Variants in HS3ST4 observed in about 807,000 individuals in gnomAD.
HS3ST4 encodes heparan sulfate-glucosamine 3-sulfotransferase 4, also known as heparan sulfate glucosamine 3-O-sulfotransferase 4.
In HS3ST4, 17 loss-of-function variants were observed where a neutral mutation model predicts 29.2. The observed-to-expected ratio is 0.58, with a 90% CI of 0.40 to 0.87. HS3ST4 has a LOEUF of 0.87. HS3ST4 is among the 40% of genes least tolerant of loss of function. HS3ST4 has a pLI of 0.00. For synonymous variants in HS3ST4, 314 were observed against 285.7 expected (o/e 1.10, Z -1.00); for missense variants, 627 against 634.5 (o/e 0.99, Z 0.13).
chr16:26,058,367 T>A (rs1223452862), intron 1 of HS3ST4, among the ~76,000 whole-genome samples: 1 of 152,200 alleles, frequency 6.6e-6, no homozygotes, highest in African/African-American at 2.4e-5. Flanking sequence ...AGATTGCATT[T>A]CTTCCTGCAG....
At chr16:25,958,456 G>A (rs112865975) in intron 1 of HS3ST4, among the ~76,000 whole-genome samples, 5,219 of 151,868 alleles carry the variant, frequency 0.034, 117 homozygotes, top group African/African-American at 0.061. Context: ...TCAGCCTCCC[G>A]AGTAGCTGGG....
At chr16:26,072,915 T>C (rs900627840) in intron 1 of HS3ST4, among the ~76,000 whole-genome samples, 1 of 152,236 alleles carries the variant, frequency 6.6e-6, no homozygotes, top group African/African-American at 2.4e-5. Flanking sequence ...AAGTTGTTCA[T>C]TGTAGTAGAA....
intron 1 of HS3ST4, among the ~76,000 whole-genome samples, chr16:25,848,491 T>C (rs1967488196): frequency 6.6e-6 from 1 of 152,140 alleles, no homozygotes; most frequent in South Asian, 2.1e-4. Context: ...TAAGCCCTTT[T>C]TGAGTTTACT....
chr16:25,998,578 G>A (rs1969177287), intron 1 of HS3ST4, among the ~76,000 whole-genome samples: 1 of 152,048 alleles, frequency 6.6e-6, no homozygotes, highest in African/African-American at 2.4e-5. Flanking sequence ...TTCCATTCTT[G>A]ATCTTGTCAT....
In HS3ST4 at chr16:25,692,742, G is replaced by A. The variant is rs1186119637; in HGVS notation, c.325G>A (p.Gly109Arg). The A allele has an allele frequency of 7.8e-7, 1 of 1,289,062 alleles. No homozygotes were observed. Among genetic ancestry groups the A allele is most frequent in the Non-Finnish European group, 9.8e-7 (1 of 1,022,760 alleles). 79.9% of individuals were successfully genotyped at this position (1,289,062 alleles called of 1,614,324 possible). A position where few individuals can be genotyped will look rare whatever the true frequency, so the allele number is the denominator to read the frequency against. Residue 109 changes from glycine to arginine, a missense_variant, in exon 1 of 2, where the codon GGG becomes AGG. This residue lies in a region of HS3ST4 where 402 missense variants were observed against 340.8 expected (regional missense o/e 1.18). Transcript: ENST00000331351. ...GCCGCCGCTGGACAACGCGAGCCAC[G>A]GGGAGCCGCCCGAGCCCCCAGAGCA... ...APPPLDNASH[G>R]EPPEPPEQPA...
At chr16:26,027,601 G>A (rs1020827891) in intron 1 of HS3ST4, among the ~76,000 whole-genome samples, 1 of 152,224 alleles carries the variant, frequency 6.6e-6, no homozygotes, top group South Asian at 2.1e-4. Flanking sequence ...GAATGAATGA[G>A]TGAATGAGAC....
At chr16:25,922,666 G>T (rs910169975) in intron 1 of HS3ST4, among the ~76,000 whole-genome samples, 2 of 152,216 alleles carry the variant, frequency 1.3e-5, no homozygotes, top group Admixed American at 1.3e-4. Context: ...CGTTGCCCTT[G>T]CAGAGATAAC....
chr16:25,801,299 T>C (rs144461684), intron 1 of HS3ST4, among the ~76,000 whole-genome samples: 1 of 152,320 alleles, frequency 6.6e-6, no homozygotes, highest in East Asian at 1.9e-4. Flanking sequence ...TTCCATTGTG[T>C]TGGTGTACCC....
rs191016895 is a variant in HS3ST4, at chr16:26,048,820, G to A, written c.735-86792G>A. The stretch of plus-strand genomic sequence containing the variant: ...TACACTCTAGCCTGGGTGACAGAGC[G>A]AGACCCTGTCTAAAAAGTAAAAAAA... On this transcript the variant is annotated intron_variant, in intron 1 of 1. Transcript: ENST00000331351. Among the ~76,000 whole-genome samples the A allele has an allele frequency of 5.9e-3, 895 of 152,214 alleles. 11 individuals are homozygous for A. Among genetic ancestry groups the A allele is most frequent in the African/African-American group, 0.018 (758 of 41,516 alleles).
intron 1 of HS3ST4, among the ~76,000 whole-genome samples, chr16:25,924,005 C>T (rs1286955771): frequency 6.6e-6 from 1 of 152,162 alleles, no homozygotes; most frequent in Non-Finnish European, 1.5e-5. Context: ...TGCGCTTTGG[C>T]CACCTATATT....
At chr16:25,993,563 G>T (rs1296114575) in intron 1 of HS3ST4, among the ~76,000 whole-genome samples, 1 of 151,994 alleles carries the variant, frequency 6.6e-6, no homozygotes, top group Non-Finnish European at 1.5e-5. Flanking sequence ...TACTTACTGT[G>T]AGACCTGGGA....
intron 1 of HS3ST4, among the ~76,000 whole-genome samples, chr16:25,895,976 G>T (rs909193333): frequency 9.2e-5 from 14 of 152,090 alleles, no homozygotes; most frequent in African/African-American, 3.4e-4. Flanking sequence ...GAGATGGGGG[G>T]AACTAATGTC....
chr16:25,879,838 A>G (rs1340747443), intron 1 of HS3ST4, among the ~76,000 whole-genome samples: 1 of 152,162 alleles, frequency 6.6e-6, no homozygotes, highest in African/African-American at 2.4e-5. Flanking sequence ...AGGCCTCACA[A>G]TCATGGCGGA....
chr16:25,831,541 T>A (rs1172029199), intron 1 of HS3ST4, among the ~76,000 whole-genome samples: 1 of 151,834 alleles, frequency 6.6e-6, no homozygotes, highest in East Asian at 1.9e-4. Flanking sequence ...CAATGAACTA[T>A]GACCATGCCA....
chr16:26,063,468 A>G (rs1472333538), intron 1 of HS3ST4, among the ~76,000 whole-genome samples: 1 of 151,768 alleles, frequency 6.6e-6, no homozygotes, highest in Admixed American at 6.6e-5. Context: ...GTTTGAAGCC[A>G]GGAGTTTGAG....
chr16:26,030,132 T>C (rs1406652723), intron 1 of HS3ST4, among the ~76,000 whole-genome samples: 1 of 152,214 alleles, frequency 6.6e-6, no homozygotes, highest in East Asian at 1.9e-4. Context: ...ATGTGATCAC[T>C]GGGTATGGTG....
In HS3ST4 at chr16:25,901,733, G is replaced by A. The variant is rs139914115; in HGVS notation, c.734+208582G>A. Among the ~76,000 whole-genome samples, 208 of 152,274 alleles carry A rather than the reference G, an allele frequency of 1.4e-3. 1 individual carries two copies. The highest frequency in any genetic ancestry group is 4.6e-3 in the African/African-American group (190 of 41,560). On this transcript the variant is annotated intron_variant, in intron 1 of 1. Transcript: ENST00000331351. The stretch of plus-strand genomic sequence containing the variant: ...CCTTTCTCTGTTCTCACACAGAAGA[G>A]CTGTTTCAGCCCCTCTTTCCTCAAG...
intron 1 of HS3ST4, among the ~76,000 whole-genome samples, chr16:25,750,084 T>C (rs1202578350): frequency 6.6e-6 from 1 of 152,146 alleles, no homozygotes; most frequent in African/African-American, 2.4e-5. Context: ...AGATGGAAAA[T>C]CCCAAATGGT....
chr16:26,002,941 A>ATT lies in HS3ST4; in HGVS notation c.735-132655_735-132654dup, dbSNP rs138032844. Reference sequence around the variant, plus strand: ...TTTAGCTTCCTAGATGCATTCTTACATTTTTTTTTTTTTTTTTGCCTGAAA... The same window carrying ATT: ...TTTAGCTTCCTAGATGCATTCTTACATTTTTTTTTTTTTTTTTTTGCCTGAAA... On this transcript the variant is annotated intron_variant, in intron 1 of 1. Transcript: ENST00000331351. Among the ~76,000 whole-genome samples the ATT allele has an allele frequency of 4.8e-3, 674 of 138,974 alleles. 8 individuals carry two copies. The highest frequency in any genetic ancestry group is 0.016 in the African/African-American group (624 of 38,004). The allele number at this position is 138,974 out of a possible 152,430, so 91.2% of individuals were successfully genotyped here.
Sources: gnomAD v4.1 joint callset for allele counts (sites outside exome capture counted in the v4.1 genomes callset) on GRCh38, gnomAD v4.1.1 for gene constraint, gnomAD v4.1.1 regional missense constraint, MANE v1.5 for transcripts, NCBI Gene and HGNC (gene_info 2026-07-23, HGNC 2026-07-21) for gene names.